The following STEAP3 variants were observed in gnomAD, a reference collection of about 807,000 sequenced individuals.
The protein encoded by STEAP3 is STEAP3 metalloreductase.
A neutral mutation model predicts 34.9 loss-of-function variants in STEAP3; 35 were observed. The observed-to-expected ratio is 1.00, with a 90% confidence interval of 0.76 to 1.33. STEAP3 has a LOEUF of 1.33. Among genes scored for constraint, STEAP3 ranks in the 40% most tolerant of loss-of-function variants. STEAP3 has a pLI of 0.00. For synonymous variants in STEAP3, 281 were observed against 301.6 expected (o/e 0.93, Z 0.71); for missense variants, 652 against 667.6 (o/e 0.98, Z 0.26).
chr2:119,245,885 C>T lies in STEAP3; in HGVS notation c.419C>T (p.Ala140Val), dbSNP rs1257918037. Residue 140 changes from alanine (A) to valine (V), a missense_variant, in exon 3 of 6, where the codon GCT becomes GTT. By Grantham distance (64) the Ala-to-Val change is moderately conservative (BLOSUM62 0). Coordinates refer to ENST00000393110, the MANE Select transcript of STEAP3 (RefSeq NM_182915.3). ...QEHLQHRESN[A>V]EYLASLFPTC... Reference sequence around the variant, plus strand: ...CACCTTCAGCATCGTGAGTCCAATGCTGAGTACCTGGCCTCCCTCTTCCCC... The same window carrying T: ...CACCTTCAGCATCGTGAGTCCAATGTTGAGTACCTGGCCTCCCTCTTCCCC... The T allele has an allele frequency of 1.2e-6, 2 of 1,614,000 alleles. No homozygotes were observed. Among genetic ancestry groups the T allele is most frequent in the Admixed American group, 1.7e-5 (1 of 60,006 alleles).
chr2:119,261,785 A>G (rs561741725), intron 5 of STEAP3, among the ~76,000 whole-genome samples: 1 of 152,282 alleles, frequency 6.6e-6, no homozygotes, highest in South Asian at 2.1e-4. Flanking sequence ...AGCACTTCCC[A>G]GCCATTTTCA....
rs764222232 is a variant in STEAP3 at position 119,230,843 on chromosome 2, C to T, written c.-170C>T. On this transcript the variant is annotated 5_prime_UTR_variant, in exon 2 of 6. Coordinates refer to ENST00000393110, the MANE Select transcript of STEAP3 (RefSeq NM_182915.3). ...TGGCCAAGAGCTGGCGTGCAGGCTGCGGGAGGCAGCTGGCTGTGCAAGACC... is the reference window on the plus strand; with the variant it reads ...TGGCCAAGAGCTGGCGTGCAGGCTGTGGGAGGCAGCTGGCTGTGCAAGACC... 21 of 801,942 alleles carry T rather than the reference C, an allele frequency of 2.6e-5. No individual in the cohort carries two copies. Among genetic ancestry groups the T allele is most frequent in the South Asian group, 1.3e-4 (8 of 63,086 alleles). The allele number at this position is 801,942 out of a possible 1,614,324, so 49.7% of individuals were successfully genotyped here.
In STEAP3 at chr2:119,245,666, G is replaced by T. The variant is rs137993856; in HGVS notation, c.200G>T (p.Gly67Val). ...GGCTCTGGCTTCAAAGTGGTGGTGG[G>T]GAGCCGCAACCCCAAACGCACAGCC... ...LVGSGFKVVV[G>V]SRNPKRTARL... Residue 67 changes from glycine (G) to valine (V), a missense_variant, in exon 3 of 6, where the codon GGG becomes GTG. Coordinates refer to ENST00000393110, the MANE Select transcript of STEAP3 (RefSeq NM_182915.3). The T allele has an allele frequency of 6.2e-7, 1 of 1,612,402 alleles. No homozygotes were observed. The highest frequency in any genetic ancestry group is 1.3e-5 in the African/African-American group (1 of 74,912).
chr2:119,255,957 T>C (rs1206069101), intron 5 of STEAP3, among the ~76,000 whole-genome samples: 1 of 152,202 alleles, frequency 6.6e-6, no homozygotes, highest in Non-Finnish European at 1.5e-5. Context: ...TTTACATTTC[T>C]TTGGCATCTC....
At chr2:119,227,577 C>T (rs142989666) in intron 1 of STEAP3, among the ~76,000 whole-genome samples, 74 of 152,302 alleles carry the variant, frequency 4.9e-4, no homozygotes, top group South Asian at 2.5e-3. Flanking sequence ...TAATGAGAGC[C>T]AGGTGGGAGT....
intron 1 of STEAP3, among the ~76,000 whole-genome samples, chr2:119,228,737 A>G (rs1679117452): frequency 6.6e-6 from 1 of 152,092 alleles, no homozygotes; most frequent in African/African-American, 2.4e-5. Flanking sequence ...TGTGAGTTCC[A>G]TTGGGGCTGC....
At chr2:119,225,571 A>G (rs1679011635) in intron 1 of STEAP3, among the ~76,000 whole-genome samples, 1 of 152,238 alleles carries the variant, frequency 6.6e-6, no homozygotes, top group South Asian at 2.1e-4. Context: ...TCCCATTCAT[A>G]TCTCCTATCC....
chr2:119,245,602 A>G lies in STEAP3; in HGVS notation c.136A>G (p.Ser46Gly). The change falls in exon 3 of 6, where the codon AGC (serine) becomes GGC (glycine). Residue 46 changes from serine to glycine, a missense_variant. Physicochemically the swap from Ser to Gly is moderately conservative, Grantham distance 56. Transcript: ENST00000393110. ...GGCCCCCAAAGTGGGCATCCTGGGT[A>G]GCGGGGACTTTGCCCGCTCCCTGGC... ...DEAPKVGILGSGDFARSLATR... is the reference protein window; with the variant it reads ...DEAPKVGILGGGDFARSLATR... 1 of 1,609,132 alleles carries G rather than the reference A, an allele frequency of 6.2e-7. No homozygotes were observed. Among genetic ancestry groups the G allele is most frequent in the African/African-American group, 1.3e-5 (1 of 74,956 alleles).
intron 5 of STEAP3, chr2:119,257,758 C>G (rs1677818812): frequency 1.5e-6 from 2 of 1,360,810 alleles, no homozygotes; most frequent in South Asian, 3.8e-5. Context: ...ATCACCCTCC[C>G]CTACACACAT....
intron 2 of STEAP3, among the ~76,000 whole-genome samples, chr2:119,243,326 C>T (rs1363671165): frequency 6.6e-6 from 1 of 152,208 alleles, no homozygotes; most frequent in East Asian, 1.9e-4. Context: ...CAGTGTGGTC[C>T]CAGCTATGCA....
chr2:119,228,896 T>G (rs1679123181), intron 1 of STEAP3, among the ~76,000 whole-genome samples: 1 of 152,098 alleles, frequency 6.6e-6, no homozygotes, highest in African/African-American at 2.4e-5. Flanking sequence ...CCTGGAGCCC[T>G]CCAGGAACGC....
At chr2:119,238,722 A>C (rs557840482) in intron 2 of STEAP3, among the ~76,000 whole-genome samples, 4 of 152,328 alleles carry the variant, frequency 2.6e-5, no homozygotes, top group South Asian at 4.1e-4. Flanking sequence ...GAGCTTACAC[A>C]AAGGCTCTGT....
rs1678067013 is a variant in STEAP3 at position 119,265,006 on chromosome 2, A to G, written c.*1668A>G. Reference sequence around the variant, plus strand: ...GCTGAGCGGCAGAAACTTGTCTCATAAATTGGCACTGATGGAGCATCAGCT... The same window carrying G: ...GCTGAGCGGCAGAAACTTGTCTCATGAATTGGCACTGATGGAGCATCAGCT... On this transcript the variant is annotated 3_prime_UTR_variant, in exon 6 of 6. Transcript: ENST00000393110. The G allele has an allele frequency of 6.6e-6, 1 of 152,216 alleles. No homozygotes were observed. The highest frequency in any genetic ancestry group is 2.1e-4 in the South Asian group (1 of 4,828). 9.4% of individuals were successfully genotyped at this position (152,216 alleles called of 1,614,324 possible).
At chr2:119,236,739 T>C (rs1677104873) in intron 2 of STEAP3, among the ~76,000 whole-genome samples, 1 of 152,124 alleles carries the variant, frequency 6.6e-6, no homozygotes, top group Non-Finnish European at 1.5e-5. Flanking sequence ...GCCATGTGGG[T>C]GAGCAGCAGA....
Position 119,262,941 on chromosome 2 carries a change from G to A in STEAP3, c.1216-116G>A, listed in dbSNP as rs573832800. ...CAGGACTGGGGTTCCAACCCATAGC[G>A]GTGAGTACTAAAGCCACCCTCCTTC... On this transcript the variant is annotated intron_variant, in intron 5 of 5. Coordinates refer to ENST00000393110, the MANE Select transcript of STEAP3 (RefSeq NM_182915.3). 38 of 1,390,816 alleles carry A rather than the reference G, an allele frequency of 2.7e-5. No individual in the cohort carries two copies. The East Asian group carries it at 4.8e-4, about 18-fold the overall frequency. The allele number at this position is 1,390,816 out of a possible 1,614,324, so 86.2% of individuals were successfully genotyped here.
chr2:119,260,263 C>A (rs1282828140), intron 5 of STEAP3, among the ~76,000 whole-genome samples: 5 of 152,044 alleles, frequency 3.3e-5, no homozygotes, highest in Non-Finnish European at 4.4e-5. Context: ...GGGCTGGGCA[C>A]CTGGCTGGGG....
In STEAP3 at chr2:119,234,812, A is replaced by G. The variant is rs192049969; in HGVS notation, c.22+3778A>G. 2.7e-3 allele frequency among the ~76,000 whole-genome samples: 412 copies of G among 152,282 alleles called. 1 individual carries two copies. Among genetic ancestry groups the G allele is most frequent in the Non-Finnish European group, 4.9e-3 (333 of 68,014 alleles). ...AGCATAGGGACCCTAGGGCTTGAGC[A>G]TGCCCCACCCGCCTCCGCTGCTTCA... On this transcript the variant is annotated intron_variant, in intron 2 of 5. Transcript: ENST00000393110.
chr2:119,251,482 A>C (rs569664286), intron 4 of STEAP3, among the ~76,000 whole-genome samples: 3 of 152,302 alleles, frequency 2.0e-5, no homozygotes, highest in Admixed American at 1.3e-4. Flanking sequence ...ACATTTCAAC[A>C]TCAAACTCAA....
intron 5 of STEAP3, among the ~76,000 whole-genome samples, chr2:119,256,221 A>G (rs997654988): frequency 6.6e-6 from 1 of 152,212 alleles, no homozygotes; most frequent in Non-Finnish European, 1.5e-5. Flanking sequence ...CCATTGGAAC[A>G]ACACAGAGTT....
Sources: allele counts gnomAD v4.1 joint callset (sites outside exome capture counted in the v4.1 genomes callset), GRCh38; gene constraint gnomAD v4.1.1; transcripts MANE v1.5; gene names NCBI Gene and HGNC (gene_info 2026-07-23, HGNC 2026-07-21).